The following PRDM5 variants were observed in gnomAD, a reference collection of about 807,000 sequenced individuals.
The protein encoded by PRDM5 is PR/SET domain 5.
A neutral mutation model predicts 81.2 loss-of-function variants in PRDM5; 56 were observed. The ratio of observed to expected loss-of-function variants is 0.69; its 90% CI spans 0.56 to 0.86. PRDM5 has a LOEUF of 0.86. Ranked by LOEUF, PRDM5 falls within the 40% of genes least tolerant of loss-of-function variation. PRDM5 has a pLI of 0.00. For synonymous variants in PRDM5, 267 were observed against 256.4 expected (o/e 1.04, Z -0.39); for missense variants, 697 against 770.1 (o/e 0.91, Z 1.12).
chr4:120,802,372 G>A lies in PRDM5; in HGVS notation c.946-2627C>T, dbSNP rs545292636. 2.6e-5 allele frequency among the ~76,000 whole-genome samples: 4 copies of A among 152,288 alleles called. No homozygotes were observed. The South Asian group carries it at 8.3e-4, about 32-fold the overall frequency. ...TCTGCATTTCCAACTGAGGTACCGG[G>A]TTCATCTCACTGAGGCTTGTCGTAC... On this transcript the variant is annotated intron_variant, in intron 8 of 15. Transcript: ENST00000264808.
intron 1 of PRDM5, among the ~76,000 whole-genome samples, chr4:120,916,154 C>T (rs1482372216): frequency 6.6e-5 from 10 of 152,024 alleles, no homozygotes; most frequent in African/African-American, 1.9e-4. Flanking sequence ...TTTGGGAGGC[C>T]GAGGTGGGCA....
intron 11 of PRDM5, among the ~76,000 whole-genome samples, chr4:120,781,842 C>T (rs981764610): frequency 6.6e-6 from 1 of 152,154 alleles, no homozygotes; most frequent in Non-Finnish European, 1.5e-5. Context: ...TTACAATGCC[C>T]CTGCTTCCTG....
intron 15 of PRDM5, among the ~76,000 whole-genome samples, chr4:120,704,450 G>A (rs912971341): frequency 2.6e-5 from 4 of 152,114 alleles, no homozygotes; most frequent in African/African-American, 9.7e-5. Flanking sequence ...CAACTTAGGA[G>A]TGCATTAGGA....
intron 14 of PRDM5, among the ~76,000 whole-genome samples, chr4:120,716,297 G>A (rs917519159): frequency 6.6e-6 from 1 of 152,116 alleles, no homozygotes; most frequent in African/African-American, 2.4e-5. Flanking sequence ...ATATATGCAT[G>A]TTGGCAGAAA....
intron 14 of PRDM5, among the ~76,000 whole-genome samples, chr4:120,733,257 A>C (rs938029416): frequency 6.6e-6 from 1 of 152,152 alleles, no homozygotes; most frequent in Admixed American, 6.5e-5. Flanking sequence ...TGTTATCAAC[A>C]CAATCAATCC....
chr4:120,860,728 T>C (rs930356299), intron 2 of PRDM5, among the ~76,000 whole-genome samples: 13 of 152,246 alleles, frequency 8.5e-5, no homozygotes, highest in Non-Finnish European at 2.9e-5. Flanking sequence ...ACAGCATTTC[T>C]CTTAGCTACT....
intron 14 of PRDM5, among the ~76,000 whole-genome samples, chr4:120,746,466 C>A (rs1743069582): frequency 7.0e-6 from 1 of 142,044 alleles, no homozygotes; most frequent in African/African-American, 2.6e-5. Context: ...TTCTGCACAG[C>A]AAAAGAAACT....
rs536757333 is a variant in PRDM5, at chr4:120,916,304, T to C, written c.93+6212A>G. Among the ~76,000 whole-genome samples, 4 of 152,176 alleles carry C rather than the reference T, an allele frequency of 2.6e-5. No individual in the cohort carries two copies. In the South Asian group the frequency reaches 8.3e-4, roughly 32 times the overall value. ...CAGGAGGCTGAGGCAGGAGAATAGC[T>C]GGAACCTGGGAGGCAAAGGTTGCAG... On this transcript the variant is annotated intron_variant, in intron 1 of 15. Transcript: ENST00000264808.
chr4:120,795,373 C>T (rs536292914), intron 10 of PRDM5, among the ~76,000 whole-genome samples: 8 of 152,216 alleles, frequency 5.3e-5, no homozygotes, highest in East Asian at 1.9e-4. Context: ...AGTAATTGAA[C>T]GGTTTCTGTC....
chr4:120,752,304 T>C (rs1219289666), intron 14 of PRDM5, among the ~76,000 whole-genome samples: 1 of 152,012 alleles, frequency 6.6e-6, no homozygotes. Context: ...TAAAAATGCA[T>C]GAAAAAGGAA....
At chr4:120,730,984 G>A (rs528977097) in intron 14 of PRDM5, among the ~76,000 whole-genome samples, 187 of 152,264 alleles carry the variant, frequency 1.2e-3, no homozygotes, top group Middle Eastern at 3.4e-3. Flanking sequence ...TAAAAAAAGA[G>A]GTGCAGATAA....
chr4:120,873,650 T>C (rs1485320489), intron 2 of PRDM5, among the ~76,000 whole-genome samples: 2 of 152,258 alleles, frequency 1.3e-5, no homozygotes, highest in Non-Finnish European at 2.9e-5. Flanking sequence ...CCTACAGATT[T>C]CTCATGTTTA....
In PRDM5 at chr4:120,695,071, A is replaced by G. The variant is rs781191990; in HGVS notation, c.*40T>C. ...GTGATAAAAATCTGGGATTCATATT[A>G]GGAGCCCTTCTGAATAGTTTAATTC... On this transcript the variant is annotated 3_prime_UTR_variant, in exon 16 of 16. Coordinates refer to ENST00000264808, the MANE Select transcript of PRDM5 (RefSeq NM_018699.4). 3.1e-6 allele frequency: 5 copies of G among 1,589,828 alleles called. No homozygotes were observed. The highest frequency in any genetic ancestry group is 1.7e-4 in the Middle Eastern group (1 of 6,006).
intron 2 of PRDM5, among the ~76,000 whole-genome samples, chr4:120,870,176 C>T (rs1761629945): frequency 6.6e-6 from 1 of 151,936 alleles, no homozygotes; most frequent in Admixed American, 6.6e-5. Flanking sequence ...AAAGTGGAGG[C>T]CTGCTGGTCT....
At chr4:120,766,605 T>G (rs1746423317) in intron 13 of PRDM5, among the ~76,000 whole-genome samples, 1 of 152,140 alleles carries the variant, frequency 6.6e-6, no homozygotes, top group African/African-American at 2.4e-5. Context: ...TATGGTATGT[T>G]CAAGAGTAAC....
intron 15 of PRDM5, among the ~76,000 whole-genome samples, chr4:120,708,620 T>C (rs1176160861): frequency 6.6e-6 from 1 of 152,136 alleles, no homozygotes; most frequent in Non-Finnish European, 1.5e-5. Context: ...ATTAAAATGA[T>C]CAATTTTATA....
chr4:120,752,005 T>C (rs947396742), intron 14 of PRDM5, among the ~76,000 whole-genome samples: 2 of 152,204 alleles, frequency 1.3e-5, no homozygotes, highest in Non-Finnish European at 2.9e-5. Flanking sequence ...GCTCATGTAA[T>C]GTGAATGCAA....
chr4:120,844,088 C>T (rs1425105058), intron 3 of PRDM5, among the ~76,000 whole-genome samples: 1 of 152,114 alleles, frequency 6.6e-6, no homozygotes, highest in African/African-American at 2.4e-5. Flanking sequence ...TCAGTCACTC[C>T]ACACAGCAGG....
chr4:120,897,061 G>A (rs1487024508), intron 2 of PRDM5: 3 of 151,292 alleles, frequency 2.0e-5, no homozygotes, highest in African/African-American at 7.3e-5. Context: ...AAGATCTGGA[G>A]GTGGTCTTAG....
Sources: gnomAD v4.1 joint callset for allele counts (sites outside exome capture counted in the v4.1 genomes callset) on GRCh38, gnomAD v4.1.1 for gene constraint, MANE v1.5 for transcripts, NCBI Gene and HGNC (gene_info 2026-07-23, HGNC 2026-07-21) for gene names.